The following PHTF2 variants were observed in gnomAD, a reference collection of about 807,000 sequenced individuals.
PHTF2 encodes protein PHTF2.
In PHTF2, 60 loss-of-function variants were observed where a neutral mutation model predicts 101.2. The ratio of observed to expected loss-of-function variants is 0.59; its 90% confidence interval spans 0.48 to 0.73. PHTF2 has a LOEUF of 0.73. PHTF2 is among the 30% of genes least tolerant of loss of function. The probability of loss-of-function intolerance (pLI) is 0.00; values close to 1 mark genes in which losing one functional copy is unlikely to be tolerated. For missense variants in PHTF2, 747 were observed against 908.7 expected (o/e 0.82, Z 2.29); for synonymous variants, 311 against 307.3 (o/e 1.01, Z -0.13).
chr7:77,820,787 C>A (rs1794225374), intron 1 of PHTF2, among the ~76,000 whole-genome samples: 1 of 152,024 alleles, frequency 6.6e-6, no homozygotes, highest in South Asian at 2.1e-4. Flanking sequence ...ATAAGTGAGG[C>A]CTTCTCCTGT....
intron 16 of PHTF2, 35 bp downstream of exon 15, chr7:77,942,821 A>G: frequency 1.1e-6 from 1 of 896,352 alleles, no homozygotes; most frequent in Non-Finnish European, 1.7e-6. Flanking sequence ...AATTAACCAG[A>G]TATATAAATA....
chr7:77,866,628 C>T (rs1317900608), intron 3 of PHTF2, among the ~76,000 whole-genome samples: 2 of 152,030 alleles, frequency 1.3e-5, no homozygotes, highest in African/African-American at 2.4e-5. Flanking sequence ...AAAGTTAATA[C>T]TGGTCTGTAC....
At chr7:77,926,877 G>A (rs1239541014) in intron 11 of PHTF2, among the ~76,000 whole-genome samples, 1 of 151,008 alleles carries the variant, frequency 6.6e-6, no homozygotes, top group Non-Finnish European at 1.5e-5. Context: ...AAAAAAAAGA[G>A]GCCAGGGCCA....
intron 3 of PHTF2, among the ~76,000 whole-genome samples, chr7:77,857,501 G>A (rs940776675): frequency 2.0e-5 from 3 of 152,146 alleles, no homozygotes; most frequent in African/African-American, 7.2e-5. Flanking sequence ...GAAGGAGTAT[G>A]TATATACAAA....
At chr7:77,847,677 C>T (rs1398410497) in intron 2 of PHTF2, among the ~76,000 whole-genome samples, 3 of 152,194 alleles carry the variant, frequency 2.0e-5, no homozygotes, top group Non-Finnish European at 4.4e-5. Flanking sequence ...GTATCCATCA[C>T]TTCAAGCATT....
At chr7:77,929,074 A>AT in intron 11 of PHTF2, 35 bp from the exon 11 acceptor site, 2 of 1,481,738 alleles carry the variant, frequency 1.3e-6, no homozygotes, top group Non-Finnish European at 1.9e-6. Flanking sequence ...AGAGTACATA[A>AT]ATTGTATTAA....
intron 1 of PHTF2, among the ~76,000 whole-genome samples, chr7:77,827,127 A>G (rs1470638949): frequency 6.6e-6 from 1 of 152,238 alleles, no homozygotes; most frequent in African/African-American, 2.4e-5. Context: ...AAAGTTGAAC[A>G]TGTAGATAAA....
chr7:77,925,942 G>A lies in PHTF2; in HGVS notation c.1119+3164G>A, dbSNP rs1358387040. On this transcript the variant is annotated intron_variant, in intron 11 of 19. Coordinates refer to ENST00000416283, the Ensembl canonical transcript of PHTF2. The stretch of plus-strand genomic sequence containing the variant: ...GTTGTGGCACGTGCCTGTAGTCCCA[G>A]CCACTTGGGAGGCTGTGGCAGGAGA... 2.0e-5 allele frequency among the ~76,000 whole-genome samples: 3 copies of A among 152,044 alleles called. No homozygotes were observed. In the East Asian group the frequency reaches 5.9e-4, roughly 30 times the overall value.
intron 9 of PHTF2, among the ~76,000 whole-genome samples, chr7:77,919,430 A>G (rs771727099): frequency 5.3e-5 from 8 of 152,206 alleles, no homozygotes; most frequent in African/African-American, 9.6e-5. Context: ...TGCTTTAAAA[A>G]TGTTTTATGA....
At chr7:77,924,214 ATAAATT>A (rs1470390394) in intron 11 of PHTF2, 1 of 703,542 alleles carries the variant, frequency 1.4e-6, no homozygotes, top group Non-Finnish European at 1.7e-6. Flanking sequence ...GTTTTTATTT[ATAAATT>A]TAAATTTATT....
At chr7:77,841,354 A>G (rs1222719616) in intron 2 of PHTF2, among the ~76,000 whole-genome samples, 1 of 152,146 alleles carries the variant, frequency 6.6e-6, no homozygotes, top group Non-Finnish European at 1.5e-5. Context: ...TGCTAGGATT[A>G]CAGGCTTGAG....
chr7:77,941,175 C>T (rs1171827148), intron 15 of PHTF2, among the ~76,000 whole-genome samples: 1 of 152,026 alleles, frequency 6.6e-6, no homozygotes, highest in Non-Finnish European at 1.5e-5. Flanking sequence ...GTAAAGTTGA[C>T]CTGAAGACCA....
chr7:77,835,882 G>A (rs968503808), intron 1 of PHTF2, among the ~76,000 whole-genome samples: 5 of 152,088 alleles, frequency 3.3e-5, no homozygotes, highest in Admixed American at 2.0e-4. Flanking sequence ...CACTTTGGGA[G>A]GCTGAGACGG....
intron 2 of PHTF2, among the ~76,000 whole-genome samples, chr7:77,842,465 T>A (rs953076360): frequency 2.6e-5 from 4 of 152,298 alleles, no homozygotes; most frequent in African/African-American, 9.6e-5. Context: ...GGATTTGATT[T>A]GCTCTATTTT....
intron 3 of PHTF2, among the ~76,000 whole-genome samples, chr7:77,869,065 G>A (rs1027978677): frequency 6.6e-6 from 1 of 152,072 alleles, no homozygotes; most frequent in African/African-American, 2.4e-5. Flanking sequence ...CTTTCAGTCT[G>A]GTTCTGTCAT....
In PHTF2 at chr7:77,902,496, C is replaced by T. The variant is rs984560199; in HGVS notation, c.445+576C>T. 9.9e-5 allele frequency among the ~76,000 whole-genome samples: 15 copies of T among 152,186 alleles called. 1 individual carries two copies. The highest frequency in any genetic ancestry group is 1.3e-4 in the Non-Finnish European group (9 of 68,032). On this transcript the variant is annotated intron_variant, in intron 7 of 19. Coordinates refer to ENST00000416283, the Ensembl canonical transcript of PHTF2. ...CATCAAGTATGGTAGAGCCCAGATT[C>T]AATTCTAAGCATTCTGATCCCAGAA...
intron 8 of PHTF2, chr7:77,909,241 T>A (rs1298206882): frequency 4.1e-6 from 1 of 242,426 alleles, no homozygotes; most frequent in African/African-American, 2.2e-5. Context: ...GTTAGCTAGA[T>A]TGTTAATAAT....
At chr7:77,872,223 A>G (rs1441289480) in intron 3 of PHTF2, among the ~76,000 whole-genome samples, 5 of 152,038 alleles carry the variant, frequency 3.3e-5, no homozygotes, top group Admixed American at 1.3e-4. Context: ...TTGGACGATG[A>G]TGGGGTGGCT....
intron 5 of PHTF2, chr7:77,895,065 C>A: frequency 2.4e-6 from 1 of 418,290 alleles, no homozygotes; most frequent in Non-Finnish European, 4.7e-6. Flanking sequence ...CAAATGTACA[C>A]AGGCAGCACT....
Sources: gnomAD v4.1 joint callset for allele counts (sites outside exome capture counted in the v4.1 genomes callset) on GRCh38, gnomAD v4.1.1 for gene constraint, MANE v1.5 for transcripts, NCBI Gene and HGNC (gene_info 2026-07-23, HGNC 2026-07-21) for gene names.